Variants in NRG3 observed in about 807,000 individuals in gnomAD.
NRG3 encodes the protein neuregulin 3, also known as pro-neuregulin-3, membrane-bound isoform.
In NRG3, 31 loss-of-function variants were observed where a neutral mutation model predicts 66.9. The ratio of observed to expected loss-of-function variants is 0.46; its 90% CI spans 0.35 to 0.63. The LOEUF (loss-of-function observed/expected upper bound fraction) is 0.63. Ranked by LOEUF, NRG3 falls within the 20% of genes least tolerant of loss-of-function variation. The pLI, the probability that NRG3 is intolerant of heterozygous loss-of-function variation, is 0.00. For missense variants in NRG3, 910 were observed against 878.9 expected (o/e 1.04, Z -0.45); for synonymous variants, 393 against 359.4 (o/e 1.09, Z -1.06).
chr10:81,876,350 G>C (rs1841644062), intron 1 of NRG3, among the ~76,000 whole-genome samples, 187 bp downstream of exon 1: 3 of 152,220 alleles, frequency 2.0e-5, no homozygotes, highest in Admixed American at 2.0e-4. Flanking sequence ...CTGGTTCTGG[G>C]GGGGTGGGGG....
chr10:82,969,225 G>A lies in NRG3; in HGVS notation c.1285-4563G>A, dbSNP rs189287748. ...GCATCTCACTTGTTTTTGTAGCTGGGCCTTCTAGGCACCTAGGTTTTTCTT... is the reference window on the plus strand; with the variant it reads ...GCATCTCACTTGTTTTTGTAGCTGGACCTTCTAGGCACCTAGGTTTTTCTT... On this transcript the variant is annotated intron_variant, in intron 6 of 8. Transcript: ENST00000372141. Among the ~76,000 whole-genome samples, 35 of 152,240 alleles carry A rather than the reference G, an allele frequency of 2.3e-4. No individual in the cohort carries two copies. In the East Asian group the frequency reaches 6.6e-3, roughly 29 times the overall value.
chr10:82,826,352 G>A (rs1311797845), intron 3 of NRG3, among the ~76,000 whole-genome samples: 1 of 152,224 alleles, frequency 6.6e-6, no homozygotes, highest in Non-Finnish European at 1.5e-5. Context: ...GCAACAAGCT[G>A]CCTGGATGTT....
chr10:82,131,421 G>T (rs2068808262), intron 1 of NRG3, among the ~76,000 whole-genome samples: 1 of 152,018 alleles, frequency 6.6e-6, no homozygotes, highest in African/African-American at 2.4e-5. Flanking sequence ...ATGTATCCAT[G>T]CTGTTTGGGT....
At chr10:82,563,080 C>T (rs2045159119) in intron 2 of NRG3, among the ~76,000 whole-genome samples, 1 of 152,020 alleles carries the variant, frequency 6.6e-6, no homozygotes, top group African/African-American at 2.4e-5. Context: ...AATAAGCCAG[C>T]AACAGCTAAA....
chr10:82,607,421 G>T (rs1376466257), intron 2 of NRG3, among the ~76,000 whole-genome samples: 2 of 142,544 alleles, frequency 1.4e-5, no homozygotes, highest in Admixed American at 7.0e-5. Flanking sequence ...CTTTTGATTA[G>T]AATTAGCATG....
chr10:81,880,995 C>T (rs1842129119), intron 1 of NRG3, among the ~76,000 whole-genome samples: 2 of 152,110 alleles, frequency 1.3e-5, no homozygotes, highest in East Asian at 1.9e-4. Flanking sequence ...TTTGCAATAT[C>T]ACAATCAAAA....
At chr10:82,818,153 T>G (rs1414727991) in intron 3 of NRG3, among the ~76,000 whole-genome samples, 2 of 152,058 alleles carry the variant, frequency 1.3e-5, no homozygotes, top group African/African-American at 4.8e-5. Context: ...CAATAGAAAA[T>G]GGGGTGGTAA....
At chr10:82,597,776 C>G (rs2047373253) in intron 2 of NRG3, among the ~76,000 whole-genome samples, 1 of 152,082 alleles carries the variant, frequency 6.6e-6, no homozygotes, top group Admixed American at 6.5e-5. Flanking sequence ...CAAAAATTAG[C>G]TGGGCATGGT....
Position 82,298,874 on chromosome 10 carries a change from C to T in NRG3, c.824-59865C>T, listed in dbSNP as rs149862106. Among the ~76,000 whole-genome samples the T allele has an allele frequency of 6.1e-3, 933 of 152,256 alleles. 11 individuals carry two copies. Among genetic ancestry groups the T allele is most frequent in the African/African-American group, 0.018 (742 of 41,554 alleles). ...AGGAGAGGAATGTAGATTCCATCTT[C>T]TCATACGGAGGTGTTCATTGGGGTT... On this transcript the variant is annotated intron_variant, in intron 1 of 8. Coordinates refer to ENST00000372141, the MANE Select transcript of NRG3 (RefSeq NM_001010848.4).
intron 4 of NRG3, among the ~76,000 whole-genome samples, chr10:82,932,626 C>A (rs1923556): frequency 0.38 from 57,631 of 151,934 alleles, 11,391 homozygotes; most frequent in East Asian, 0.63. Context: ...CAGATGATTC[C>A]GGAAACACTG....
At chr10:82,707,156 G>A (rs1240709449) in intron 2 of NRG3, among the ~76,000 whole-genome samples, 2 of 151,252 alleles carry the variant, frequency 1.3e-5, no homozygotes, top group African/African-American at 4.9e-5. Context: ...TTTTTATAAA[G>A]TAAAACAACA....
intron 2 of NRG3, among the ~76,000 whole-genome samples, chr10:82,425,544 G>A (rs1026195802): frequency 6.6e-6 from 1 of 151,910 alleles, no homozygotes; most frequent in Non-Finnish European, 1.5e-5. Context: ...TCCAAAATGT[G>A]TATTATATCT....
chr10:82,338,388 A>G (rs909720099), intron 1 of NRG3, among the ~76,000 whole-genome samples: 1 of 152,220 alleles, frequency 6.6e-6, no homozygotes, highest in Non-Finnish European at 1.5e-5. Context: ...AGAAAACATT[A>G]TGAGTATATT....
At chr10:82,208,826 T>C (rs1005743916) in intron 1 of NRG3, among the ~76,000 whole-genome samples, 1 of 152,180 alleles carries the variant, frequency 6.6e-6, no homozygotes, top group Non-Finnish European at 1.5e-5. Flanking sequence ...TAGCAAGCTG[T>C]TGGTGTAATA....
In NRG3 at chr10:82,371,589, G is replaced by GATATGAGCAT. The variant is rs1463121923; in HGVS notation, c.953+12729_953+12730insATATATGAGC. 3.9e-5 allele frequency among the ~76,000 whole-genome samples: 6 copies of GATATGAGCAT among 152,248 alleles called. No homozygotes were observed. The East Asian group carries it at 1.2e-3, about 29-fold the overall frequency. On this transcript the variant is annotated intron_variant, in intron 2 of 8. Transcript: ENST00000372141. Reference sequence around the variant, plus strand: ...ATTCAATATGACAAGTTCTGTGATAGATATGAGCTATGCTCATATCTGTTT... The same window carrying GATATGAGCAT: ...ATTCAATATGACAAGTTCTGTGATAGATATGAGCATATATGAGCTATGCTCATATCTGTTT...
intron 2 of NRG3, among the ~76,000 whole-genome samples, chr10:82,455,677 C>T (rs897097633): frequency 3.3e-5 from 5 of 149,364 alleles, no homozygotes; most frequent in Admixed American, 3.3e-4. Context: ...TGCAGTGGCG[C>T]GATCTCGGCT....
intron 1 of NRG3, among the ~76,000 whole-genome samples, chr10:82,207,188 A>G (rs918194993): frequency 1.3e-5 from 2 of 152,196 alleles, no homozygotes; most frequent in Non-Finnish European, 2.9e-5. Context: ...CTATTAGACA[A>G]TCAATGCAAT....
chr10:82,690,360 C>T (rs966883482), intron 2 of NRG3, among the ~76,000 whole-genome samples: 1 of 151,590 alleles, frequency 6.6e-6, no homozygotes, highest in Admixed American at 6.6e-5. Context: ...TGCAATCTCT[C>T]TTCCTGGATG....
intron 7 of NRG3, 42 bp from the exon 8 acceptor site, chr10:82,978,906 GTC>G: frequency 1.9e-6 from 3 of 1,593,058 alleles, no homozygotes; most frequent in Non-Finnish European, 2.6e-6. Flanking sequence ...TTGCTATGAT[GTC>G]TTTTGTTTGT....
Sources: gnomAD v4.1 joint callset for allele counts (sites outside exome capture counted in the v4.1 genomes callset) on GRCh38, gnomAD v4.1.1 for gene constraint, MANE v1.5 for transcripts, NCBI Gene and HGNC (gene_info 2026-07-23, HGNC 2026-07-21) for gene names.